Variants in ALPK1 observed in about 807,000 individuals in gnomAD.
ALPK1 encodes the protein alpha kinase 1, also known as alpha-protein kinase 1.
Under a neutral mutation model 120.6 loss-of-function variants are expected in ALPK1, and 110 were observed. The ratio of observed to expected loss-of-function variants is 0.91; its 90% CI spans 0.78 to 1.07. The LOEUF is 1.07. Ranked by LOEUF, ALPK1 falls within the 50% of genes least tolerant of loss-of-function variation. The pLI, the probability that ALPK1 is intolerant of heterozygous loss-of-function variation, is 0.00. For missense variants in ALPK1, 1,498 were observed against 1,483.9 expected, an observed-to-expected ratio of 1.01 and a Z score of -0.16; for synonymous variants, 582 against 560.3, an observed-to-expected ratio of 1.04 and a Z score of -0.55.
chr4:112,355,904 A>G (rs1259294041), intron 2 of ALPK1, among the ~76,000 whole-genome samples: 1 of 152,188 alleles, frequency 6.6e-6, no homozygotes, highest in East Asian at 1.9e-4. Context: ...GCTCGACTGG[A>G]GTCGGTTGAG....
intron 4 of ALPK1, among the ~76,000 whole-genome samples, chr4:112,392,047 A>G (rs1372029494): frequency 1.3e-5 from 2 of 152,232 alleles, no homozygotes; most frequent in Non-Finnish European, 2.9e-5. Context: ...AGGCTCTAGT[A>G]TCTACTAAGT....
At chr4:112,394,656 G>A (rs986151176) in intron 4 of ALPK1, among the ~76,000 whole-genome samples, 1 of 152,140 alleles carries the variant, frequency 6.6e-6, no homozygotes, top group African/African-American at 2.4e-5. Flanking sequence ...TTAAAATGGT[G>A]GCTTGTCCTT....
At chr4:112,359,823 C>A in intron 2 of ALPK1, 1 of 384,320 alleles carries the variant, frequency 2.6e-6, no homozygotes, top group South Asian at 2.1e-5. Context: ...CCAGTGGGTG[C>A]CCATGGAGGC....
intron 1 of ALPK1, among the ~76,000 whole-genome samples, chr4:112,315,021 C>T (rs1728574054): frequency 1.3e-5 from 2 of 151,432 alleles, no homozygotes; most frequent in African/African-American, 4.9e-5. Flanking sequence ...GCTGGGATTA[C>T]AGGCACGCGC....
chr4:112,301,065 CA>C (rs1314464302), intron 1 of ALPK1, among the ~76,000 whole-genome samples: 2 of 152,086 alleles, frequency 1.3e-5, no homozygotes, highest in Non-Finnish European at 2.9e-5. Context: ...AGAACCTCAT[CA>C]TGTGTCCTTT....
At chr4:112,382,840 C>A in intron 4 of ALPK1, 1 of 339,344 alleles carries the variant, frequency 2.9e-6, no homozygotes, top group Admixed American at 4.3e-5. Context: ...GCCAAAGAAG[C>A]AGATTTGATT....
At chr4:112,391,942 A>T (rs1732438239) in intron 4 of ALPK1, among the ~76,000 whole-genome samples, 1 of 149,320 alleles carries the variant, frequency 6.7e-6, no homozygotes, top group Non-Finnish European at 1.5e-5. Flanking sequence ...TCTATAGAAC[A>T]GAAGGCAAAA....
At chr4:112,381,266 A>C (rs1415242622) in intron 3 of ALPK1, among the ~76,000 whole-genome samples, 2 of 152,156 alleles carry the variant, frequency 1.3e-5, no homozygotes, top group Non-Finnish European at 2.9e-5. Flanking sequence ...AGAGAACACA[A>C]AGTCTAGACT....
intron 2 of ALPK1, among the ~76,000 whole-genome samples, chr4:112,326,467 A>G (rs544032535): frequency 6.6e-5 from 10 of 152,264 alleles, no homozygotes; most frequent in African/African-American, 2.2e-4. Context: ...CCTACCTAGC[A>G]TGGTGCCTGA....
intron 2 of ALPK1, chr4:112,358,516 TG>T (rs1045571251): frequency 1.5e-6 from 1 of 677,218 alleles, no homozygotes; most frequent in Admixed American, 2.4e-5. Flanking sequence ...CACCAGCTGC[TG>T]GGGACCCGGA....
intron 2 of ALPK1, among the ~76,000 whole-genome samples, chr4:112,316,456 A>G (rs887729989): frequency 6.6e-6 from 1 of 152,224 alleles, no homozygotes; most frequent in Non-Finnish European, 1.5e-5. Flanking sequence ...ATTACTAATC[A>G]TGTAATGGAC....
intron 3 of ALPK1, among the ~76,000 whole-genome samples, chr4:112,381,732 C>A (rs1731915712): frequency 6.6e-6 from 1 of 152,130 alleles, no homozygotes; most frequent in Non-Finnish European, 1.5e-5. Flanking sequence ...GGGTGCCAAA[C>A]TTAAGAAAAA....
At chr4:112,356,331 T>A (rs541532599) in intron 2 of ALPK1, 66 of 892,712 alleles carry the variant, frequency 7.4e-5, no homozygotes, top group Non-Finnish European at 1.2e-4. Context: ...GACACCATCT[T>A]TGCCTGCAAT....
chr4:112,309,150 C>G lies in ALPK1; in HGVS notation c.-152-6651C>G, dbSNP rs188125037. On this transcript the variant is annotated intron_variant, in intron 1 of 15. Transcript: ENST00000650871. ...GTACCTGGCCGTGTGAGGTGTCAGT[C>G]TGCCCTTACTGGAGGGTGCCTCCCA... Among the ~76,000 whole-genome samples, 291 of 152,262 alleles carry G rather than the reference C, an allele frequency of 1.9e-3. 5 individuals carry two copies. Among genetic ancestry groups the G allele is most frequent in the African/African-American group, 6.6e-3 (274 of 41,502 alleles).
chr4:112,434,738 CAG>C (rs1734717125), intron 11 of ALPK1, among the ~76,000 whole-genome samples: 1 of 152,192 alleles, frequency 6.6e-6, no homozygotes, highest in African/African-American at 2.4e-5. Context: ...GAGCTGCCAT[CAG>C]TAGTAGCTTC....
chr4:112,433,539 C>T lies in ALPK1; in HGVS notation c.3034+958C>T, dbSNP rs548212049. ...TGTTGCAATCAGCAGCTACTTCTTG[C>T]TTAAGGAACAGCCCAATGTCACTGC... On this transcript the variant is annotated intron_variant, in intron 11 of 15. Transcript: ENST00000650871. Among the ~76,000 whole-genome samples, 4 of 152,286 alleles carry T rather than the reference C, an allele frequency of 2.6e-5. No homozygotes were observed. The South Asian group carries it at 8.3e-4, about 32-fold the overall frequency.
rs772484889 is a variant in ALPK1, at chr4:112,412,013, TC to T, written c.465del (p.Val156Ter). On this transcript the variant is annotated frameshift_variant, in exon 5 of 16. Transcript: ENST00000650871. LOFTEE classifies it high-confidence loss of function. ...PQVVIRQARISVNSGKLLKAE... is the reference protein window; with the variant it reads ...PQVVIRQARIXVNSGKLLKAE... The stretch of plus-strand genomic sequence containing the variant: ...GGTGGTTATTCGCCAAGCCCGAATC[TC>T]CGTGAACTCAGGTATGCTCCCTCCT... 1.2e-6 allele frequency: 2 copies of T among 1,614,010 alleles called. No individual in the cohort carries two copies. The highest frequency in any genetic ancestry group is 1.7e-6 in the Non-Finnish European group (2 of 1,180,034).
chr4:112,384,705 C>T (rs6533612), intron 4 of ALPK1: 12,704 of 152,218 alleles, frequency 0.083, 1,010 homozygotes, highest in African/African-American at 0.21. Context: ...AGTTTGAGAG[C>T]CACTGTTTGC....
At chr4:112,423,884 T>C in intron 5 of ALPK1, 60 bp from the exon 6 acceptor site, 2 of 1,543,406 alleles carry the variant, frequency 1.3e-6, no homozygotes, top group South Asian at 2.2e-5. Flanking sequence ...CATGAACAAC[T>C]TGTAATTGTT....
Sources: gnomAD v4.1 joint callset for allele counts (sites outside exome capture counted in the v4.1 genomes callset) on GRCh38, gnomAD v4.1.1 for gene constraint, MANE v1.5 for transcripts, NCBI Gene and HGNC (gene_info 2026-07-23, HGNC 2026-07-21) for gene names.